Variants in SRCIN1 observed in about 807,000 individuals in gnomAD.
SRCIN1 encodes the protein P130Cas-associated protein.
A neutral mutation model predicts 116.2 loss-of-function variants in SRCIN1; 50 were observed. The observed-to-expected ratio is 0.43, with a 90% CI of 0.34 to 0.54. The LOEUF is 0.54. Among genes scored for constraint, SRCIN1 ranks in the 20% least tolerant of loss-of-function variants. SRCIN1 has a pLI of 0.02. For missense variants in SRCIN1, 1,446 were observed against 1,672.0 expected (o/e 0.86, Z 2.36); for synonymous variants, 736 against 750.0 (o/e 0.98, Z 0.30).
rs1567863461 is a variant in SRCIN1 at position 38,559,722 on chromosome 17, G to A, written c.1888C>T (p.Pro630Ser). ...SSGATPVSGP[P>S]PPSASSTPAG... ...GGGGTGCTGCTGGCCGAGGGCGGGG[G>A]CGGGCCGGACACCGGGGTGGCCCCG... The change falls in exon 10 of 19, where the codon CCC becomes TCC. Residue 630 changes from proline to serine, a missense_variant. Coordinates refer to ENST00000617146, the MANE Select transcript of SRCIN1 (RefSeq NM_025248.3). 1 of 1,566,854 alleles carries A rather than the reference G, an allele frequency of 6.4e-7. No individual in the cohort carries two copies. The highest frequency in any genetic ancestry group is 8.6e-7 in the Non-Finnish European group (1 of 1,164,462).
chr17:38,564,146 C>G lies in SRCIN1; in HGVS notation c.513G>C (p.Ser171=). 1.9e-6 allele frequency: 3 copies of G among 1,600,400 alleles called. No homozygotes were observed. Among genetic ancestry groups the G allele is most frequent in the South Asian group, 1.1e-5 (1 of 88,242 alleles). The change falls in exon 4 of 19, where the codon TCG becomes TCC. Residue 171 remains serine, a synonymous_variant. Transcript: ENST00000617146. ...GGGAGCGCAGCTTGGTCTGGCTGGCCGAGCGGGAGAGAGGCAGGCTCTGTC... is the reference window on the plus strand; with the variant it reads ...GGGAGCGCAGCTTGGTCTGGCTGGCGGAGCGGGAGAGAGGCAGGCTCTGTC... The part of the protein sequence containing the change: ...RFRQSLPLSR[S]ASQTKLRSPG...
At chr17:38,570,707 G>A (rs1380492250) in intron 2 of SRCIN1, among the ~76,000 whole-genome samples, 3 of 152,240 alleles carry the variant, frequency 2.0e-5, no homozygotes, top group Non-Finnish European at 4.4e-5. Context: ...ACTGGCTATG[G>A]CCTCCACATG....
In SRCIN1 at chr17:38,558,524, G is replaced by T. The variant is rs1489141307; in HGVS notation, c.2026-122C>A. The T allele has an allele frequency of 2.5e-6, 3 of 1,204,438 alleles. No individual in the cohort carries two copies. Among genetic ancestry groups the T allele is most frequent in the Admixed American group, 5.9e-5 (2 of 34,146 alleles). The allele number at this position is 1,204,438 out of a possible 1,614,324, so 74.6% of individuals were successfully genotyped here. ...AGGGCGGGGCTCTGCAGAAGAAGCG[G>T]CTGCTTGGCTCCGCCTCAGGCAGCA... is the stretch of plus-strand genomic sequence containing the variant. On this transcript the variant is annotated intron_variant, in intron 10 of 18. Transcript: ENST00000617146. This position sits in a 1 kb window ranked among gnomAD's most constrained non-coding sequence, Gnocchi z 4.6.
rs1905413656 is a variant in SRCIN1, at chr17:38,551,579, C to CTCATTATATA, written c.2728-191_2728-190insTATATAATGA. On this transcript the variant is annotated intron_variant, in intron 14 of 18. Transcript: ENST00000617146. The stretch of plus-strand genomic sequence containing the variant: ...GCATCCCCATGGGTAGGAATGCCAC[C>CTCATTATATA]CTCATTATATACTACATTCGTGATA... 6 of 643,196 alleles carry CTCATTATATA rather than the reference C, an allele frequency of 9.3e-6. No individual in the cohort carries two copies. The East Asian group carries it at 1.4e-4, about 15-fold the overall frequency. 39.8% of individuals were successfully genotyped at this position (643,196 alleles called of 1,614,324 possible).
At chr17:38,535,389 G>A (rs1023537254) in intron 18 of SRCIN1, among the ~76,000 whole-genome samples, 1 of 151,950 alleles carries the variant, frequency 6.6e-6, no homozygotes, top group Non-Finnish European at 1.5e-5. Flanking sequence ...TGTGTTTTTA[G>A]TAAGACGAGG....
In SRCIN1 at chr17:38,549,221, C is replaced by G. The variant is rs753825494; in HGVS notation, c.2963-11G>C. The G allele has an allele frequency of 6.6e-7, 1 of 1,507,910 alleles. No homozygotes were observed. Among genetic ancestry groups the G allele is most frequent in the Non-Finnish European group, 8.8e-7 (1 of 1,132,578 alleles). 93.4% of individuals were successfully genotyped at this position (1,507,910 alleles called of 1,614,324 possible). A position where few individuals can be genotyped will look rare whatever the true frequency, so the allele number is the denominator to read the frequency against. On this transcript the variant is annotated splice_polypyrimidine_tract_variant and intron_variant, in intron 15 of 18. Coordinates refer to ENST00000617146, the MANE Select transcript of SRCIN1 (RefSeq NM_025248.3). ...GCACGGTCAACTCATCTGCAGGCAC[C>G]AAGGGGCTGGGGGTCAGCAGGCCTG...
intron 1 of SRCIN1, among the ~76,000 whole-genome samples, chr17:38,598,129 G>A (rs889650294): frequency 1.2e-4 from 18 of 152,092 alleles, no homozygotes; most frequent in Non-Finnish European, 4.4e-5. Flanking sequence ...GAGAGTCTGC[G>A]GCAGTCCCCA....
rs573823997 is a variant in SRCIN1 at position 38,555,441 on chromosome 17, A to T, written c.2202-2586T>A. Among the ~76,000 whole-genome samples, 18 of 152,320 alleles carry T rather than the reference A, an allele frequency of 1.2e-4. No individual in the cohort carries two copies. The South Asian group carries it at 3.5e-3, about 30-fold the overall frequency. On this transcript the variant is annotated intron_variant, in intron 11 of 18. Transcript: ENST00000617146. ...TGGGTCCCTGAATGACTGCATGGAG[A>T]AGAGCCACCCGCCTAACCCACCCAA...
upstream of SRCIN1, among the ~76,000 whole-genome samples, chr17:38,606,779 TCTC>T (rs1909390107): frequency 1.3e-5 from 2 of 152,062 alleles, no homozygotes; most frequent in African/African-American, 4.8e-5. This position sits in a 1 kb window ranked among gnomAD's most constrained non-coding sequence, Gnocchi z 5.2. Context: ...TCCGCAGACT[TCTC>T]CAGCGCTGAC....
At chr17:38,549,896 C>G (rs1158038656) in intron 15 of SRCIN1, among the ~76,000 whole-genome samples, 1 of 152,168 alleles carries the variant, frequency 6.6e-6, no homozygotes, top group Non-Finnish European at 1.5e-5. Flanking sequence ...CACCTTCAGG[C>G]GTTTGCACAC....
chr17:38,594,755 C>T (rs759963115), intron 1 of SRCIN1, among the ~76,000 whole-genome samples: 6 of 152,124 alleles, frequency 3.9e-5, no homozygotes, highest in Non-Finnish European at 2.9e-5. Flanking sequence ...TAGGAAATGG[C>T]TGAAGTGGGG....
rs1048682214 is a variant in SRCIN1 at position 38,543,838 on chromosome 17, G to A, written c.3402C>T (p.Ile1134=). The A allele has an allele frequency of 1.2e-6, 2 of 1,606,958 alleles. No individual in the cohort carries two copies. The highest frequency in any genetic ancestry group is 1.7e-6 in the Non-Finnish European group (2 of 1,179,650). ...HGKQRAEYMR[I]QAQQQATKPS... ...CCGCCCTCACCTGCTGCTGGGCCTG[G>A]ATCCGCATGTACTCGGCCCTCTGCT... The change falls in exon 18 of 19, where the codon ATC becomes ATT. Residue 1134 remains isoleucine, a synonymous_variant. Coordinates refer to ENST00000617146, the MANE Select transcript of SRCIN1 (RefSeq NM_025248.3).
intron 18 of SRCIN1, among the ~76,000 whole-genome samples, chr17:38,539,013 A>C (rs1297325167): frequency 6.6e-6 from 1 of 152,190 alleles, no homozygotes; most frequent in Non-Finnish European, 1.5e-5. Context: ...AATGGTAGCC[A>C]TTATAGCGAT....
At position 38,563,692 on chromosome 17, in the gene SRCIN1, G is replaced by A. The variant is rs941040350; in HGVS notation, c.542-171C>T. On this transcript the variant is annotated intron_variant, in intron 4 of 18. Coordinates refer to ENST00000617146, the MANE Select transcript of SRCIN1 (RefSeq NM_025248.3). This position sits in a 1 kb window ranked among gnomAD's most constrained non-coding sequence, Gnocchi z 5.8. ...GGCACCTCTCATGCTGCCGGCGGGG[G>A]CGCCAGGCCGGCTCTCCAGCCTCTC... The A allele has an allele frequency of 9.5e-6, 9 of 951,886 alleles. No individual in the cohort carries two copies. Among genetic ancestry groups the A allele is most frequent in the Admixed American group, 2.0e-5 (1 of 49,224 alleles). 59.0% of individuals were successfully genotyped at this position (951,886 alleles called of 1,614,324 possible).
intron 17 of SRCIN1, among the ~76,000 whole-genome samples, chr17:38,545,917 GACA>G (rs1308334036): frequency 1.3e-5 from 2 of 152,254 alleles, no homozygotes; most frequent in Non-Finnish European, 2.9e-5. Context: ...TGTGGGCAGA[GACA>G]ACATGTCAGC....
chr17:38,578,371 C>G (rs1907547156), intron 2 of SRCIN1, 119 bp downstream of exon 2: 10 of 1,284,114 alleles, frequency 7.8e-6, no homozygotes, highest in Non-Finnish European at 1.0e-5. Context: ...TCTTCCCTCT[C>G]TGCTCCAGAT....
At chr17:38,593,731 C>T (rs1375093826) in intron 1 of SRCIN1, among the ~76,000 whole-genome samples, 2 of 152,240 alleles carry the variant, frequency 1.3e-5, no homozygotes, top group Admixed American at 6.5e-5. Flanking sequence ...CAAAACTCAG[C>T]AATGACTAAA....
chr17:38,545,970 C>G (rs1399239138), intron 17 of SRCIN1, among the ~76,000 whole-genome samples: 1 of 152,264 alleles, frequency 6.6e-6, no homozygotes, highest in African/African-American at 2.4e-5. Flanking sequence ...TCTACCCCAA[C>G]TTTGTGTGCT....
At chr17:38,560,172 T>A in intron 8 of SRCIN1, 75 bp from the exon 9 acceptor site, 3 of 1,425,584 alleles carry the variant, frequency 2.1e-6, no homozygotes, top group Non-Finnish European at 2.8e-6. Flanking sequence ...GAACCTTGGA[T>A]GTCATCTCCT....
Sources: gnomAD v4.1 joint callset for allele counts (sites outside exome capture counted in the v4.1 genomes callset) on GRCh38, gnomAD v4.1.1 for gene constraint, Gnocchi (gnomAD v3.1) non-coding constraint, MANE v1.5 for transcripts, NCBI Gene and HGNC (gene_info 2026-07-23, HGNC 2026-07-21) for gene names.